TICAM1: variants seen among roughly 807,000 people sequenced by gnomAD.
TICAM1 encodes TIR domain containing adaptor molecule 1.
For synonymous variants in TICAM1, 439 were observed against 415.4 expected, an observed-to-expected ratio of 1.06 and a Z score of -0.69; for missense variants, 895 against 938.2, an observed-to-expected ratio of 0.95 and a Z score of 0.60.
chr19:4,817,328 T>A lies in TICAM1; in HGVS notation c.1050A>T (p.Pro350=). The A allele has an allele frequency of 6.2e-7, 1 of 1,613,110 alleles. No individual in the cohort carries two copies. The stretch of plus-strand genomic sequence containing the variant: ...ATGTTTCTGGGGTGGTGGGAGTAGG[T>A]GGGCACGGCTTGGTATTTGGAGAGG... ...DTTSPNTKPC[P]PTPTTPETSP... Residue 350 remains proline (P), a synonymous_variant, in exon 2 of 2, where the codon CCA becomes CCT. Coordinates refer to ENST00000248244, the MANE Select transcript of TICAM1 (RefSeq NM_182919.4). This position sits in a 1 kb window ranked among gnomAD's most constrained non-coding sequence, Gnocchi z 4.7.
Position 4,816,146 on chromosome 19 carries a change from A to C in TICAM1, c.*93T>G. On this transcript the variant is annotated 3_prime_UTR_variant, in exon 2 of 2. Transcript: ENST00000248244. This position sits in a 1 kb window ranked among gnomAD's most constrained non-coding sequence, Gnocchi z 4.3. Reference sequence around the variant, plus strand: ...CAGATGACCTCATCTTCCACTGTCCACAGGGCACAGGGCAGACCGGGGTGC... The same window carrying C: ...CAGATGACCTCATCTTCCACTGTCCCCAGGGCACAGGGCAGACCGGGGTGC... The C allele has an allele frequency of 2.2e-6, 3 of 1,392,276 alleles. No individual in the cohort carries two copies. Among genetic ancestry groups the C allele is most frequent in the Middle Eastern group, 2.7e-4 (1 of 3,666 alleles). 86.2% of individuals were successfully genotyped at this position (1,392,276 alleles called of 1,614,324 possible).
chr19:4,828,283 G>A (rs1568367812), intron 1 of TICAM1, among the ~76,000 whole-genome samples: 1 of 151,896 alleles, frequency 6.6e-6, no homozygotes, highest in Non-Finnish European at 1.5e-5. Flanking sequence ...TACCCAGGCT[G>A]GAGTGCAGTG....
chr19:4,824,582 GC>G (rs2093602842), intron 1 of TICAM1, among the ~76,000 whole-genome samples: 1 of 150,776 alleles, frequency 6.6e-6, no homozygotes, highest in Non-Finnish European at 1.5e-5. Context: ...TGACCCACCT[GC>G]CTCGGCCTCC....
chr19:4,828,536 C>CAT (rs2093609146), intron 1 of TICAM1, among the ~76,000 whole-genome samples: 1 of 149,412 alleles, frequency 6.7e-6, no homozygotes, highest in Admixed American at 6.7e-5. Flanking sequence ...AATATATATA[C>CAT]ATATATATAT....
chr19:4,827,399 A>C (rs1298240944), intron 1 of TICAM1, among the ~76,000 whole-genome samples: 1 of 133,266 alleles, frequency 7.5e-6, no homozygotes, highest in Non-Finnish European at 1.6e-5. Context: ...AAAAAAAAAA[A>C]AAAAGAAAAA....
chr19:4,830,821 C>T (rs559435105), intron 1 of TICAM1, among the ~76,000 whole-genome samples: 6 of 152,146 alleles, frequency 3.9e-5, no homozygotes, highest in Non-Finnish European at 8.8e-5. Flanking sequence ...GAGCTGAGAC[C>T]TAAAGGAGCT....
intron 1 of TICAM1, among the ~76,000 whole-genome samples, chr19:4,828,702 CTTTTTTT>C (rs10706023): frequency 8.0e-6 from 1 of 124,624 alleles, no homozygotes; most frequent in Non-Finnish European, 1.6e-5. Context: ...CCCAGATAAT[CTTTTTTT>C]TTTTTTTTTT....
At chr19:4,827,897 C>T (rs2093608286) in intron 1 of TICAM1, among the ~76,000 whole-genome samples, 1 of 152,060 alleles carries the variant, frequency 6.6e-6, no homozygotes. Context: ...GAATCAACTG[C>T]TCTTCCCACC....
chr19:4,825,510 C>T (rs563627935), intron 1 of TICAM1, among the ~76,000 whole-genome samples: 6 of 151,988 alleles, frequency 3.9e-5, no homozygotes, highest in East Asian at 2.0e-4. Flanking sequence ...CGTGAGCCAC[C>T]GCGGCCGGCA....
intron 1 of TICAM1, among the ~76,000 whole-genome samples, chr19:4,828,466 G>A (rs1028887551): frequency 5.9e-5 from 9 of 151,654 alleles, no homozygotes; most frequent in African/African-American, 2.2e-4. Context: ...TCCCACCTTG[G>A]CCTCCCAAAG....
intron 1 of TICAM1, among the ~76,000 whole-genome samples, chr19:4,828,977 G>A (rs2146182708): frequency 6.6e-6 from 1 of 152,120 alleles, no homozygotes; most frequent in South Asian, 2.1e-4. Flanking sequence ...TGGGATTACA[G>A]GCGTTAGCCA....
At position 4,817,199 on chromosome 19, in the gene TICAM1, T is replaced by C; in HGVS notation, c.1179A>G (p.Lys393=). Residue 393 remains lysine, a synonymous_variant, in exon 2 of 2, where the codon AAA becomes AAG. Coordinates refer to ENST00000248244, the MANE Select transcript of TICAM1 (RefSeq NM_182919.4). This position sits in a 1 kb window ranked among gnomAD's most constrained non-coding sequence, Gnocchi z 4.7. ...CGTGGAGGATCACAAAGTTATAGAA[T>C]TTCTGTTCCGATGATGATTCCAGGG... ...PSSLESSSEQ[K]FYNFVILHAR... 1 of 1,613,942 alleles carries C rather than the reference T, an allele frequency of 6.2e-7. No homozygotes were observed. The highest frequency in any genetic ancestry group is 8.5e-7 in the Non-Finnish European group (1 of 1,179,978).
rs533345761 is a variant in TICAM1 at position 4,825,008 on chromosome 19, G to A, written c.-139-6492C>T. 1.2e-4 allele frequency among the ~76,000 whole-genome samples: 18 copies of A among 151,442 alleles called. No homozygotes were observed. The East Asian group carries it at 2.0e-3, about 17-fold the overall frequency. ...GAGGAGGGAGAGGAGGGTCGGGAGC[G>A]GTGGCTCACGCCTGTAATCCTAGCA... On this transcript the variant is annotated intron_variant, in intron 1 of 1. Coordinates refer to ENST00000248244, the MANE Select transcript of TICAM1 (RefSeq NM_182919.4).
chr19:4,831,546 C>T (rs2093613686), intron 1 of TICAM1, 68 bp downstream of exon 1: 1 of 152,300 alleles, frequency 6.6e-6, no homozygotes, highest in Non-Finnish European at 1.5e-5. Context: ...GGCACGGGCT[C>T]AGGGCCACCC....
chr19:4,827,117 G>A (rs185173102), intron 1 of TICAM1, among the ~76,000 whole-genome samples: 48 of 151,862 alleles, frequency 3.2e-4, no homozygotes, highest in African/African-American at 1.0e-3. Context: ...TTGAGAGGCC[G>A]AGGCGGGTGG....
chr19:4,819,145 G>T (rs1167977748), intron 1 of TICAM1, among the ~76,000 whole-genome samples: 1 of 151,662 alleles, frequency 6.6e-6, no homozygotes, highest in Non-Finnish European at 1.5e-5. Flanking sequence ...GTGGTGGCAC[G>T]TGCCTGTTGT....
chr19:4,824,312 ATTTTAAC>A (rs2093602420), intron 1 of TICAM1, among the ~76,000 whole-genome samples: 1 of 145,676 alleles, frequency 6.9e-6, no homozygotes, highest in African/African-American at 2.6e-5. Context: ...CCTGGCTTGA[ATTTTAAC>A]TTTTATCCAA....
chr19:4,829,398 G>A (rs778417969), intron 1 of TICAM1, among the ~76,000 whole-genome samples: 9 of 75,016 alleles, frequency 1.2e-4, no homozygotes, highest in East Asian at 4.3e-4. Context: ...AGCTTCCCCC[G>A]CCCGCCTCCC....
chr19:4,827,136 A>T (rs1206538607), intron 1 of TICAM1, among the ~76,000 whole-genome samples: 1 of 149,084 alleles, frequency 6.7e-6, no homozygotes, highest in Non-Finnish European at 1.5e-5. Context: ...GGATTGCCTG[A>T]GGTGAGGAGT....
Sources: allele counts gnomAD v4.1 joint callset (sites outside exome capture counted in the v4.1 genomes callset), GRCh38; gene constraint gnomAD v4.1.1; non-coding constraint Gnocchi (gnomAD v3.1); transcripts MANE v1.5; gene names NCBI Gene and HGNC (gene_info 2026-07-23, HGNC 2026-07-21).